The following DIRAS1 variants were observed in gnomAD, a reference collection of about 807,000 sequenced individuals.
The protein encoded by DIRAS1 is GTP-binding protein Di-Ras1.
Under a neutral mutation model 11.5 loss-of-function variants are expected in DIRAS1, and 3 were observed. The observed-to-expected ratio is 0.26, with a 90% confidence interval of 0.12 to 0.67. DIRAS1 has a LOEUF of 0.67. Ranked by LOEUF, DIRAS1 falls within the 30% of genes least tolerant of loss-of-function variation. DIRAS1 has a pLI of 0.80. For synonymous variants in DIRAS1, 128 were observed against 125.8 expected (o/e 1.02, Z -0.12); for missense variants, 212 against 285.3 (o/e 0.74, Z 1.85).
At position 2,717,582 on chromosome 19, in the gene DIRAS1, G is replaced by A. The variant is rs750508513; in HGVS notation, c.225C>T (p.Ser75=). The change falls in exon 2 of 2, where the codon TCC becomes TCT. Residue 75 remains serine, a synonymous_variant. Transcript: ENST00000323469. ...SHQFPAMQRL[S]ISKGHAFILV... ...GGATGAAGGCGTGGCCCTTGGAGAT[G>A]GACAGGCGCTGCATGGCCGGGAACT... 1.9e-6 allele frequency: 3 copies of A among 1,613,108 alleles called. No individual in the cohort carries two copies. The Admixed American group carries it at 5.0e-5, about 27-fold the overall frequency.
chr19:2,717,946 G>A, intron 1 of DIRAS1, 71 bp from the exon 2 acceptor site: 1 of 882,688 alleles, frequency 1.1e-6, no homozygotes. Flanking sequence ...CCCCGGGGAG[G>A]GAGGAGGACA....
chr19:2,717,041 G>T lies in DIRAS1; in HGVS notation c.*169C>A. Reference sequence around the variant, plus strand: ...GGGGAGGAAGAAAAGCCCCAGCCCTGCCTCGGGGTGGGCAGGGGCAGCGGA... The same window carrying T: ...GGGGAGGAAGAAAAGCCCCAGCCCTTCCTCGGGGTGGGCAGGGGCAGCGGA... On this transcript the variant is annotated 3_prime_UTR_variant, in exon 2 of 2. Transcript: ENST00000323469. 4 of 667,676 alleles carry T rather than the reference G, an allele frequency of 6.0e-6. No homozygotes were observed. The highest frequency in any genetic ancestry group is 1.0e-5 in the Non-Finnish European group (4 of 401,834). The allele number at this position is 667,676 out of a possible 1,614,324, so 41.4% of individuals were successfully genotyped here. A position where few individuals can be genotyped will look rare whatever the true frequency, so the allele number is the denominator to read the frequency against.
chr19:2,717,862 A>C lies in DIRAS1; in HGVS notation c.-56T>G. The C allele has an allele frequency of 6.6e-7, 1 of 1,508,500 alleles. No homozygotes were observed. 93.4% of individuals were successfully genotyped at this position (1,508,500 alleles called of 1,614,324 possible). A position where few individuals can be genotyped will look rare whatever the true frequency, so the allele number is the denominator to read the frequency against. On this transcript the variant is annotated 5_prime_UTR_variant, in exon 2 of 2. Coordinates refer to ENST00000323469, the MANE Select transcript of DIRAS1 (RefSeq NM_145173.4). ...GGGAGGGCTGGTGCCAGCTGCAAGA[A>C]CCCCAGACCGAGCCTGTGCAGAGAG...
intron 1 of DIRAS1, among the ~76,000 whole-genome samples, chr19:2,720,270 C>T (rs1913923644): frequency 6.6e-6 from 1 of 152,170 alleles, no homozygotes; most frequent in African/African-American, 2.4e-5. Context: ...GTTCTGTGGA[C>T]CCAGATCCAG....
At position 2,716,918 on chromosome 19, in the gene DIRAS1, A is replaced by C; in HGVS notation, c.*292T>G. 5.1e-6 allele frequency: 2 copies of C among 394,706 alleles called. No homozygotes were observed. Among genetic ancestry groups the C allele is most frequent in the East Asian group, 4.2e-5 (1 of 23,558 alleles). The allele number at this position is 394,706 out of a possible 1,614,324, so 24.5% of individuals were successfully genotyped here. A position where few individuals can be genotyped will look rare whatever the true frequency, so the allele number is the denominator to read the frequency against. The stretch of plus-strand genomic sequence containing the variant: ...GTGGGAACAAGCAGCTCCTCTTGCC[A>C]GCTCCCCATCCTGTTTTCCCATCTG... On this transcript the variant is annotated 3_prime_UTR_variant, in exon 2 of 2. Transcript: ENST00000323469.
chr19:2,717,135 C>T lies in DIRAS1; in HGVS notation c.*75G>A, dbSNP rs1053012805. 5.2e-6 allele frequency: 7 copies of T among 1,358,836 alleles called. No individual in the cohort carries two copies. Among genetic ancestry groups the T allele is most frequent in the African/African-American group, 4.4e-5 (2 of 45,858 alleles). The allele number at this position is 1,358,836 out of a possible 1,614,324, so 84.2% of individuals were successfully genotyped here. On this transcript the variant is annotated 3_prime_UTR_variant, in exon 2 of 2. Transcript: ENST00000323469. ...GAAGGATGAGAGAAGAGGAGGAGGC[C>T]GAGGAGGGTGTCGGTGTTGGGGGAG...
intron 1 of DIRAS1, among the ~76,000 whole-genome samples, chr19:2,719,509 G>T (rs951430496): frequency 4.6e-5 from 7 of 151,224 alleles, no homozygotes; most frequent in African/African-American, 9.7e-5. Context: ...AAGAACGCTG[G>T]GGGGAGGGCG....
Position 2,717,002 on chromosome 19 carries a change from G to C in DIRAS1, c.*208C>G. 1 of 598,746 alleles carries C rather than the reference G, an allele frequency of 1.7e-6. No homozygotes were observed. The highest frequency in any genetic ancestry group is 2.9e-6 in the Non-Finnish European group (1 of 339,940). The allele number at this position is 598,746 out of a possible 1,614,324, so 37.1% of individuals were successfully genotyped here. A position where few individuals can be genotyped will look rare whatever the true frequency, so the allele number is the denominator to read the frequency against. ...TGGAGGGTACAGACAGAACAGGAGG[G>C]TGGAGAGAGAGCAGGGGAGGAAGAA... On this transcript the variant is annotated 3_prime_UTR_variant, in exon 2 of 2. Transcript: ENST00000323469.
rs1913771301 is a variant in DIRAS1 at position 2,715,643 on chromosome 19, G to A, written c.*1567C>T. On this transcript the variant is annotated 3_prime_UTR_variant, in exon 2 of 2. Transcript: ENST00000323469. ...GGCTCTTGACCCACAGAATCTATGAGATAATAAGCATGTGTTGTTTCTGGT... is the reference window on the plus strand; with the variant it reads ...GGCTCTTGACCCACAGAATCTATGAAATAATAAGCATGTGTTGTTTCTGGT... 1 of 152,196 alleles carries A rather than the reference G, an allele frequency of 6.6e-6. No individual in the cohort carries two copies. The highest frequency in any genetic ancestry group is 1.5e-5 in the Non-Finnish European group (1 of 68,050). The allele number at this position is 152,196 out of a possible 1,614,324, so 9.4% of individuals were successfully genotyped here. A position where few individuals can be genotyped will look rare whatever the true frequency, so the allele number is the denominator to read the frequency against.
Position 2,716,812 on chromosome 19 carries a change from A to C in DIRAS1, c.*398T>G. 1 of 206,110 alleles carries C rather than the reference A, an allele frequency of 4.9e-6. No individual in the cohort carries two copies. The highest frequency in any genetic ancestry group is 9.7e-6 in the Non-Finnish European group (1 of 102,704). The allele number at this position is 206,110 out of a possible 1,614,324, so 12.8% of individuals were successfully genotyped here. ...CAGAAGGTCACAGTGATCAAATGTGAGGGACAGGACGCGCAGGTCTGGCTG... is the reference window on the plus strand; with the variant it reads ...CAGAAGGTCACAGTGATCAAATGTGCGGGACAGGACGCGCAGGTCTGGCTG... On this transcript the variant is annotated 3_prime_UTR_variant, in exon 2 of 2. Coordinates refer to ENST00000323469, the MANE Select transcript of DIRAS1 (RefSeq NM_145173.4).
rs1330455542 is a variant in DIRAS1 at position 2,718,302 on chromosome 19, G to A, written c.-69-427C>T. Among the ~76,000 whole-genome samples, 1 of 152,072 alleles carries A rather than the reference G, an allele frequency of 6.6e-6. No individual in the cohort carries two copies. The highest frequency in any genetic ancestry group is 1.5e-5 in the Non-Finnish European group (1 of 68,016). On this transcript the variant is annotated intron_variant, in intron 1 of 1. Coordinates refer to ENST00000323469, the MANE Select transcript of DIRAS1 (RefSeq NM_145173.4). The surrounding 1 kb of genome is among the most constrained non-coding windows in gnomAD (Gnocchi z 4.2). ...ACCTGCCTGGCTCTGAGACCTTGCCGAGCCATCATGCCACCCTGAGCCTGT... is the reference window on the plus strand; with the variant it reads ...ACCTGCCTGGCTCTGAGACCTTGCCAAGCCATCATGCCACCCTGAGCCTGT...
intron 1 of DIRAS1, among the ~76,000 whole-genome samples, chr19:2,720,794 G>T (rs1050641521): frequency 8.5e-5 from 13 of 152,228 alleles, no homozygotes; most frequent in Middle Eastern, 6.8e-3. Flanking sequence ...GCCGGTGAGG[G>T]GTTTGATGGA....
At chr19:2,720,148 G>A (rs1391408083) in intron 1 of DIRAS1, among the ~76,000 whole-genome samples, 2 of 152,166 alleles carry the variant, frequency 1.3e-5, no homozygotes, top group East Asian at 1.9e-4. Flanking sequence ...GTGGGGGGGA[G>A]GCGGCCTGTG....
rs34088007 is a variant in DIRAS1, at chr19:2,716,652, G to GT, written c.*557dup. The stretch of plus-strand genomic sequence containing the variant: ...CTGTGAAGACAGAGGAGAGAGGTGC[G>GT]TCTGGAACCGGAGGAGTGGGCACAG... On this transcript the variant is annotated 3_prime_UTR_variant, in exon 2 of 2. Transcript: ENST00000323469. The GT allele has an allele frequency of 0.26, 40,407 of 153,186 alleles. 5,907 individuals carry two copies. Among genetic ancestry groups the GT allele is most frequent in the East Asian group, 0.57 (2,876 of 5,064 alleles). 9.5% of individuals were successfully genotyped at this position (153,186 alleles called of 1,614,324 possible). A position where few individuals can be genotyped will look rare whatever the true frequency, so the allele number is the denominator to read the frequency against.
rs574776260 is a variant in DIRAS1 at position 2,718,148 on chromosome 19, C to T, written c.-69-273G>A. On this transcript the variant is annotated intron_variant, in intron 1 of 1. Coordinates refer to ENST00000323469, the MANE Select transcript of DIRAS1 (RefSeq NM_145173.4). The surrounding 1 kb of genome is among the most constrained non-coding windows in gnomAD (Gnocchi z 4.2). ...GAGCTAGGAGAGGCGTGGGAGACGC[C>T]GGGATGCCCACGAAACTCCTTCCCC... Among the ~76,000 whole-genome samples the T allele has an allele frequency of 6.6e-6, 1 of 152,236 alleles. No homozygotes were observed. Among genetic ancestry groups the T allele is most frequent in the African/African-American group, 2.4e-5 (1 of 41,456 alleles).
rs1220743958 is a variant in DIRAS1, at chr19:2,717,150, T to C, written c.*60A>G. The stretch of plus-strand genomic sequence containing the variant: ...AGGAGGAGGCCGAGGAGGGTGTCGG[T>C]GTTGGGGGAGGCAGCGGGGGTCAGT... On this transcript the variant is annotated 3_prime_UTR_variant, in exon 2 of 2. Coordinates refer to ENST00000323469, the MANE Select transcript of DIRAS1 (RefSeq NM_145173.4). 1.5e-6 allele frequency: 2 copies of C among 1,303,444 alleles called. No individual in the cohort carries two copies. Among genetic ancestry groups the C allele is most frequent in the East Asian group, 6.0e-5 (2 of 33,060 alleles). The allele number at this position is 1,303,444 out of a possible 1,614,324, so 80.7% of individuals were successfully genotyped here. A position where few individuals can be genotyped will look rare whatever the true frequency, so the allele number is the denominator to read the frequency against.
rs1425319515 is a variant in DIRAS1 at position 2,717,820 on chromosome 19, G to A, written c.-14C>T. 7.6e-6 allele frequency: 12 copies of A among 1,583,518 alleles called. No homozygotes were observed. Among genetic ancestry groups the A allele is most frequent in the African/African-American group, 2.7e-5 (2 of 74,684 alleles). On this transcript the variant is annotated 5_prime_UTR_variant, in exon 2 of 2. Transcript: ENST00000323469. ...CTGTTCCGGCATCTTCCCCGCGGCGGGTGGGCGGCCGGGGCCGGGAGGGCT... is the reference window on the plus strand; with the variant it reads ...CTGTTCCGGCATCTTCCCCGCGGCGAGTGGGCGGCCGGGGCCGGGAGGGCT...
Position 2,717,143 on chromosome 19 carries a change from G to T in DIRAS1, c.*67C>A, listed in dbSNP as rs922896347. 3 of 1,464,916 alleles carry T rather than the reference G, an allele frequency of 2.0e-6. No individual in the cohort carries two copies. The highest frequency in any genetic ancestry group is 2.8e-6 in the Non-Finnish European group (3 of 1,088,838). The allele number at this position is 1,464,916 out of a possible 1,614,324, so 90.7% of individuals were successfully genotyped here. On this transcript the variant is annotated 3_prime_UTR_variant, in exon 2 of 2. Transcript: ENST00000323469. ...AGAGAAGAGGAGGAGGCCGAGGAGG[G>T]TGTCGGTGTTGGGGGAGGCAGCGGG...
At position 2,719,440 on chromosome 19, in the gene DIRAS1, G is replaced by A. The variant is rs373936432; in HGVS notation, c.-69-1565C>T. On this transcript the variant is annotated intron_variant, in intron 1 of 1. Transcript: ENST00000323469. ...TCTCTTCCTTCTTGGGCTCAGAGAG[G>A]TCCAGCAGCCTGAGGAGGTCACACA... Among the ~76,000 whole-genome samples the A allele has an allele frequency of 2.0e-5, 3 of 150,390 alleles. No homozygotes were observed. The East Asian group carries it at 5.9e-4, about 30-fold the overall frequency.
Sources: allele counts gnomAD v4.1 joint callset (sites outside exome capture counted in the v4.1 genomes callset), GRCh38; gene constraint gnomAD v4.1.1; non-coding constraint Gnocchi (gnomAD v3.1); transcripts MANE v1.5; gene names NCBI Gene and HGNC (gene_info 2026-07-23, HGNC 2026-07-21).